DDX4: variants seen among roughly 807,000 people sequenced by gnomAD.
The protein encoded by DDX4 is DEAD-box helicase 4, also known as probable ATP-dependent RNA helicase DDX4.
DDX4 carries 25 observed loss-of-function variants against 100.0 expected under a neutral mutation model. The ratio of observed to expected loss-of-function variants is 0.25; its 90% CI spans 0.18 to 0.35. The LOEUF (loss-of-function observed/expected upper bound fraction) is 0.35, where lower values mean the gene tolerates loss of function less well. DDX4 is among the 10% of genes least tolerant of loss of function. The pLI, the probability that DDX4 is intolerant of heterozygous loss-of-function variation, is 1.00. For missense variants in DDX4, 635 were observed against 882.4 expected (o/e 0.72, Z 3.55); for synonymous variants, 259 against 275.7 (o/e 0.94, Z 0.60).
intron 2 of DDX4, among the ~76,000 whole-genome samples, chr5:55,745,901 G>A (rs1263631912): frequency 6.6e-6 from 1 of 152,126 alleles, no homozygotes; most frequent in Non-Finnish European, 1.5e-5. Context: ...ACAGAATCAG[G>A]TGGCCCACCA....
intron 2 of DDX4, 64 bp downstream of exon 2, chr5:55,739,096 G>T (rs1758845384): frequency 5.2e-6 from 5 of 970,166 alleles, no homozygotes; most frequent in Non-Finnish European, 8.3e-6. Flanking sequence ...AAATCACTGT[G>T]GTGAGAGTTC....
At chr5:55,753,163 T>G (rs1759677274) in intron 3 of DDX4, among the ~76,000 whole-genome samples, 1 of 152,186 alleles carries the variant, frequency 6.6e-6, no homozygotes, top group Non-Finnish European at 1.5e-5. Flanking sequence ...TAGTTTCTTT[T>G]GCTGTGCAGA....
chr5:55,805,832 G>A (rs1030619144), intron 18 of DDX4, among the ~76,000 whole-genome samples: 3 of 152,146 alleles, frequency 2.0e-5, no homozygotes, highest in Admixed American at 1.3e-4. Context: ...GAAGATGCTG[G>A]CCTCATAAAA....
intron 3 of DDX4, among the ~76,000 whole-genome samples, chr5:55,754,681 G>C (rs1462193788): frequency 6.6e-6 from 1 of 151,162 alleles, no homozygotes; most frequent in Non-Finnish European, 1.5e-5. Context: ...AATGATGCTG[G>C]CCTCATAAAA....
In DDX4 at chr5:55,750,570, C is replaced by A. The variant is rs531304632; in HGVS notation, c.127+4349C>A. On this transcript the variant is annotated intron_variant, in intron 3 of 21. Coordinates refer to ENST00000505374, the MANE Select transcript of DDX4 (RefSeq NM_024415.3). The stretch of plus-strand genomic sequence containing the variant: ...AATCATTCATTCCCAAATCTTCCAA[C>A]GTGATCTTGATAGTATAGATTGTTT... Among the ~76,000 whole-genome samples the A allele has an allele frequency of 3.9e-5, 6 of 152,266 alleles. No homozygotes were observed. In the East Asian group the frequency reaches 9.7e-4, roughly 24 times the overall value.
At chr5:55,742,334 A>G in intron 2 of DDX4, 2 of 405,182 alleles carry the variant, frequency 4.9e-6, no homozygotes, top group South Asian at 3.6e-5. Flanking sequence ...AAGCCTGTAT[A>G]GTGATCACTT....
chr5:55,762,967 C>T (rs186439227), intron 4 of DDX4, among the ~76,000 whole-genome samples: 4 of 151,998 alleles, frequency 2.6e-5, no homozygotes, highest in Middle Eastern at 3.4e-3. Flanking sequence ...TGTGTTTCAC[C>T]GGTAGTAGAT....
chr5:55,806,340 T>C (rs1743716398), intron 18 of DDX4, among the ~76,000 whole-genome samples: 2 of 152,374 alleles, frequency 1.3e-5, no homozygotes, highest in African/African-American at 4.8e-5. Context: ...TCTGCTCTGA[T>C]CTTAGTTATT....
intron 3 of DDX4, among the ~76,000 whole-genome samples, chr5:55,753,150 T>C (rs1171153623): frequency 6.6e-6 from 1 of 152,144 alleles, no homozygotes; most frequent in Non-Finnish European, 1.5e-5. Context: ...TTCACTCTGA[T>C]GGTAGTTTCT....
intron 7 of DDX4, among the ~76,000 whole-genome samples, chr5:55,773,581 T>C (rs957593244): frequency 6.7e-6 from 1 of 150,324 alleles, no homozygotes; most frequent in African/African-American, 2.4e-5. Flanking sequence ...TTTTTTTAAT[T>C]ATAGCCATTC....
At chr5:55,785,950 A>T (rs1016496380) in intron 13 of DDX4, 79 bp downstream of exon 13, 1 of 934,338 alleles carries the variant, frequency 1.1e-6, no homozygotes, top group African/African-American at 1.6e-5. Context: ...TGTAAAGCTG[A>T]TATCAACACA....
intron 18 of DDX4, 84 bp downstream of exon 18, chr5:55,798,655 TCTGACTTTTCA>T: frequency 7.7e-7 from 1 of 1,306,858 alleles, no homozygotes; most frequent in Non-Finnish European, 1.0e-6. Context: ...AATTGTTTGG[TCTGACTTTTCA>T]TAAGTTTGTT....
At chr5:55,763,089 G>T in intron 4 of DDX4, 86 bp from the exon 5 acceptor site, 1 of 885,372 alleles carries the variant, frequency 1.1e-6, no homozygotes, top group South Asian at 1.6e-5. Flanking sequence ...GTCTCTTTAC[G>T]CCAGAAATTC....
At chr5:55,796,807 CTTTT>C (rs1320426223) in intron 17 of DDX4, among the ~76,000 whole-genome samples, 2 of 70,114 alleles carry the variant, frequency 2.9e-5, no homozygotes, top group Admixed American at 1.3e-4. Flanking sequence ...CTTTTCTTTT[CTTTT>C]TTTCTTTCTT....
At chr5:55,739,780 T>G (rs1435318767) in intron 2 of DDX4, among the ~76,000 whole-genome samples, 1 of 152,206 alleles carries the variant, frequency 6.6e-6, no homozygotes, top group Non-Finnish European at 1.5e-5. Context: ...ATATGCAATC[T>G]TTTGTCTTAG....
At chr5:55,757,267 G>T (rs532570969) in intron 3 of DDX4, among the ~76,000 whole-genome samples, 3 of 152,170 alleles carry the variant, frequency 2.0e-5, no homozygotes, top group South Asian at 4.2e-4. Flanking sequence ...ACCCCTCATC[G>T]CACTCCTTTC....
intron 2 of DDX4, chr5:55,742,258 G>A (rs762659575): frequency 1.3e-5 from 6 of 455,854 alleles, no homozygotes; most frequent in African/African-American, 2.0e-5. Flanking sequence ...GGTATGGTGA[G>A]TGTATTAGAT....
At chr5:55,775,847 G>T (rs537800045) in intron 7 of DDX4, among the ~76,000 whole-genome samples, 2 of 152,082 alleles carry the variant, frequency 1.3e-5, no homozygotes, top group Non-Finnish European at 2.9e-5. Context: ...TTGGCCGGGC[G>T]CAGTGGCTCA....
intron 16 of DDX4, 92 bp from the exon 17 acceptor site, chr5:55,792,549 C>A (rs879054360): frequency 4.6e-5 from 25 of 542,552 alleles, no homozygotes; most frequent in Non-Finnish European, 5.6e-5. Context: ...TTTTTTTTTT[C>A]TTAACAGTAT....
Sources: allele counts gnomAD v4.1 joint callset (sites outside exome capture counted in the v4.1 genomes callset), GRCh38; gene constraint gnomAD v4.1.1; transcripts MANE v1.5; gene names NCBI Gene and HGNC (gene_info 2026-07-23, HGNC 2026-07-21).